Variants in LRRC4C observed in about 807,000 individuals in gnomAD.
LRRC4C encodes leucine-rich repeat-containing protein 4C.
A neutral mutation model predicts 33.6 loss-of-function variants in LRRC4C; 5 were observed. The ratio of observed to expected loss-of-function variants is 0.15; its 90% CI spans 0.08 to 0.31. The LOEUF is 0.31. Ranked by LOEUF, LRRC4C falls within the 10% of genes least tolerant of loss-of-function variation. The pLI, the probability that LRRC4C is intolerant of heterozygous loss-of-function variation, is 1.00. For synonymous variants in LRRC4C, 329 were observed against 302.0 expected (o/e 1.09, Z -0.93); for missense variants, 560 against 796.7 (o/e 0.70, Z 3.58).
Position 40,819,666 on chromosome 11 carries a change from A to C in LRRC4C, c.-407+113969T>G, listed in dbSNP as rs117429412. On this transcript the variant is annotated intron_variant, in intron 2 of 6. Coordinates refer to ENST00000528697, the MANE Select transcript of LRRC4C (RefSeq NM_001258419.2). ...CCTGGTCAACCCAGAAGCTGTGTGCATAAACACAGGAGATGCAAAAGGGTC... is the reference window on the plus strand; with the variant it reads ...CCTGGTCAACCCAGAAGCTGTGTGCCTAAACACAGGAGATGCAAAAGGGTC... Among the ~76,000 whole-genome samples the C allele has an allele frequency of 4.6e-3, 701 of 152,232 alleles. 3 individuals are homozygous for C. Among genetic ancestry groups the C allele is most frequent in the Middle Eastern group, 0.024 (7 of 294 alleles).
intron 2 of LRRC4C, among the ~76,000 whole-genome samples, chr11:40,845,713 G>A (rs1305482943): frequency 6.6e-6 from 1 of 152,068 alleles, no homozygotes; most frequent in Non-Finnish European, 1.5e-5. Flanking sequence ...GGATTGCTGG[G>A]TCAAATGATA....
At chr11:40,600,535 T>C (rs1358888978) in intron 3 of LRRC4C, among the ~76,000 whole-genome samples, 3 of 152,148 alleles carry the variant, frequency 2.0e-5, no homozygotes, top group African/African-American at 7.2e-5. Context: ...TATCCCTGGC[T>C]CTCTACACAA....
At chr11:40,633,227 T>C (rs1963616629) in intron 3 of LRRC4C, among the ~76,000 whole-genome samples, 1 of 152,132 alleles carries the variant, frequency 6.6e-6, no homozygotes, top group South Asian at 2.1e-4. Flanking sequence ...AATATATATG[T>C]GTATACACTC....
Position 40,571,923 on chromosome 11 carries a change from T to A in LRRC4C, c.-270+76219A>T, listed in dbSNP as rs1222615615. On this transcript the variant is annotated intron_variant, in intron 3 of 6. Transcript: ENST00000528697. ...CAGTGGCACATCTGTGGTCTTTCGG[T>A]AGGTGAATGCTTCCTGGATGCAGCA... Among the ~76,000 whole-genome samples the A allele has an allele frequency of 1.3e-5, 2 of 152,122 alleles. 1 individual carries two copies. Among genetic ancestry groups the A allele is most frequent in the Non-Finnish European group, 2.9e-5 (2 of 68,010 alleles).
chr11:40,254,686 G>A (rs1867061485), intron 4 of LRRC4C, among the ~76,000 whole-genome samples: 1 of 152,148 alleles, frequency 6.6e-6, no homozygotes. Context: ...TGCCTACTAT[G>A]TACCTTCTTC....
intron 2 of LRRC4C, among the ~76,000 whole-genome samples, chr11:40,931,866 T>C (rs1365123310): frequency 2.6e-5 from 4 of 152,266 alleles, no homozygotes; most frequent in Non-Finnish European, 5.9e-5. Context: ...CAAAACATTT[T>C]ACCAAAGGTA....
chr11:40,960,561 T>C (rs1217267395), intron 1 of LRRC4C, among the ~76,000 whole-genome samples: 1 of 151,732 alleles, frequency 6.6e-6, no homozygotes, highest in Non-Finnish European at 1.5e-5. Context: ...GATGATTGAC[T>C]GTATCTCAGT....
chr11:40,492,221 T>A (rs1954194900), intron 3 of LRRC4C, among the ~76,000 whole-genome samples: 3 of 152,230 alleles, frequency 2.0e-5, no homozygotes, highest in African/African-American at 4.8e-5. Context: ...TTTTCATTCA[T>A]ACATTTGTCA....
intron 2 of LRRC4C, among the ~76,000 whole-genome samples, chr11:40,914,382 G>C (rs1169320591): frequency 6.6e-6 from 1 of 152,162 alleles, no homozygotes; most frequent in African/African-American, 2.4e-5. Context: ...GGGATGCAAG[G>C]CTGGTTCAAC....
At chr11:40,394,066 T>C (rs890699117) in intron 3 of LRRC4C, among the ~76,000 whole-genome samples, 13 of 151,664 alleles carry the variant, frequency 8.6e-5, no homozygotes, top group African/African-American at 3.2e-4. Flanking sequence ...ACAGAAAGGA[T>C]AAAAATGAAA....
At chr11:41,272,513 T>C (rs1390071751) in intron 1 of LRRC4C, among the ~76,000 whole-genome samples, 2 of 152,138 alleles carry the variant, frequency 1.3e-5, no homozygotes, top group African/African-American at 4.8e-5. Context: ...AAGAAAGTTA[T>C]ATTTAAGATG....
At chr11:40,638,948 T>C (rs1254733763) in intron 3 of LRRC4C, among the ~76,000 whole-genome samples, 1 of 152,088 alleles carries the variant, frequency 6.6e-6, no homozygotes, top group Non-Finnish European at 1.5e-5. Context: ...TGGCCAAGAA[T>C]ATGGATTCTT....
intron 2 of LRRC4C, among the ~76,000 whole-genome samples, chr11:40,874,043 A>G (rs1326762212): frequency 2.0e-5 from 3 of 152,246 alleles, no homozygotes; most frequent in African/African-American, 7.2e-5. Flanking sequence ...ACCAGATAAT[A>G]CACAGGCCAA....
chr11:41,061,070 TCAAG>T (rs2135363424), intron 1 of LRRC4C, among the ~76,000 whole-genome samples: 1 of 152,080 alleles, frequency 6.6e-6, no homozygotes, highest in South Asian at 2.1e-4. Context: ...TTTAATATTC[TCAAG>T]CAGAGAAAAC....
At position 41,449,810 on chromosome 11, in the gene LRRC4C, G is replaced by A. The variant is rs552601255; in HGVS notation, c.-496+9621C>T. ...AGCTTTTTCGCTTCTTTAAGTAGAT[G>A]TGGTCAGAAGTAGAGCTGACTCTCT... On this transcript the variant is annotated intron_variant, in intron 1 of 6. Transcript: ENST00000528697. Among the ~76,000 whole-genome samples, 6 of 150,114 alleles carry A rather than the reference G, an allele frequency of 4.0e-5. No homozygotes were observed. The South Asian group carries it at 1.3e-3, about 32-fold the overall frequency.
At chr11:40,387,388 C>A (rs553487532) in intron 3 of LRRC4C, among the ~76,000 whole-genome samples, 1 of 152,108 alleles carries the variant, frequency 6.6e-6, no homozygotes, top group South Asian at 2.1e-4. Context: ...TCCCTTTCTT[C>A]GGGCACTTTT....
intron 6 of LRRC4C, among the ~76,000 whole-genome samples, chr11:40,120,894 T>A (rs1404558160): frequency 6.6e-6 from 1 of 152,188 alleles, no homozygotes; most frequent in African/African-American, 2.4e-5. Context: ...ATTGAGAAAG[T>A]TACTTCACCT....
intron 1 of LRRC4C, among the ~76,000 whole-genome samples, chr11:41,401,388 A>G (rs550733208): frequency 6.6e-6 from 1 of 151,984 alleles, no homozygotes; most frequent in African/African-American, 2.4e-5. Flanking sequence ...GGAAAAAAAT[A>G]AGAAATTTTC....
intron 4 of LRRC4C, among the ~76,000 whole-genome samples, chr11:40,255,052 T>C (rs573751516): frequency 6.6e-6 from 1 of 152,222 alleles, no homozygotes; most frequent in African/African-American, 2.4e-5. Flanking sequence ...CCTCCCACCA[T>C]GGCCTCCCAA....
Sources: gnomAD v4.1 joint callset for allele counts (sites outside exome capture counted in the v4.1 genomes callset) on GRCh38, gnomAD v4.1.1 for gene constraint, MANE v1.5 for transcripts, NCBI Gene and HGNC (gene_info 2026-07-23, HGNC 2026-07-21) for gene names.